Variants in LCA5 observed in about 807,000 individuals in gnomAD.
LCA5 encodes the protein lebercilin LCA5.
Under a neutral mutation model 53.0 loss-of-function variants are expected in LCA5, and 37 were observed. That is an observed-to-expected ratio of 0.70 (90% CI 0.54 to 0.92). The LOEUF (loss-of-function observed/expected upper bound fraction) is 0.92. LCA5 is among the 40% of genes least tolerant of loss of function. The probability of loss-of-function intolerance (pLI) is 0.00; values close to 1 mark genes in which losing one functional copy is unlikely to be tolerated. For missense variants in LCA5, 806 were observed against 790.5 expected, an observed-to-expected ratio of 1.02 and a Z score of -0.23; for synonymous variants, 303 against 282.9, an observed-to-expected ratio of 1.07 and a Z score of -0.71.
chr6:79,501,708 T>C (rs1466035090), intron 3 of LCA5, among the ~76,000 whole-genome samples: 2 of 150,626 alleles, frequency 1.3e-5, no homozygotes, highest in Non-Finnish European at 3.0e-5. Context: ...TATATATTAA[T>C]ATATGGCATA....
intron 1 of LCA5, among the ~76,000 whole-genome samples, chr6:79,529,905 A>G (rs1766905849): frequency 7.1e-6 from 1 of 140,538 alleles, no homozygotes; most frequent in Admixed American, 7.7e-5. Flanking sequence ...GAACTGAACA[A>G]TGAGAACACT....
At chr6:79,494,937 C>G (rs1484530119) in intron 3 of LCA5, among the ~76,000 whole-genome samples, 1 of 152,234 alleles carries the variant, frequency 6.6e-6, no homozygotes, top group Non-Finnish European at 1.5e-5. Context: ...AAAAGATAAA[C>G]CACAGACTAG....
chr6:79,512,870 C>T (rs1766275149), intron 3 of LCA5, among the ~76,000 whole-genome samples: 1 of 152,008 alleles, frequency 6.6e-6, no homozygotes, highest in Non-Finnish European at 1.5e-5. Flanking sequence ...AAACAGAAGT[C>T]ATTGTTCATG....
chr6:79,523,362 A>C (rs2127685534), intron 1 of LCA5, among the ~76,000 whole-genome samples: 1 of 152,352 alleles, frequency 6.6e-6, no homozygotes, highest in Admixed American at 6.5e-5. Context: ...GATAACAGCA[A>C]GTAAGTGGCT....
intron 3 of LCA5, among the ~76,000 whole-genome samples, chr6:79,505,199 G>A (rs1200157066): frequency 6.6e-6 from 1 of 151,982 alleles, no homozygotes; most frequent in African/African-American, 2.4e-5. Context: ...TAGTTTCTAA[G>A]GACACTGCAA....
At chr6:79,512,077 G>A (rs1403548892) in intron 3 of LCA5, among the ~76,000 whole-genome samples, 5 of 152,040 alleles carry the variant, frequency 3.3e-5, no homozygotes, top group East Asian at 1.9e-4. Flanking sequence ...CATTCTGTGC[G>A]CTTCGTAATT....
intron 3 of LCA5, among the ~76,000 whole-genome samples, chr6:79,502,406 A>C (rs1248584645): frequency 6.6e-6 from 1 of 152,182 alleles, no homozygotes; most frequent in East Asian, 1.9e-4. Context: ...TCTTGTTCTA[A>C]TGAAACCTGT....
rs753497619 is a variant in LCA5, at chr6:79,518,750, T to C, written c.145A>G (p.Lys49Glu). The C allele has an allele frequency of 6.2e-7, 1 of 1,614,174 alleles. No homozygotes were observed. Among genetic ancestry groups the C allele is most frequent in the Non-Finnish European group, 8.5e-7 (1 of 1,180,016 alleles). ...TCTGAAGTTTGTCTTTTAGGATTTT[T>C]TCTCCTAACACTTGCAGGTGAAGAA... ...VSSSPASVRR[K>E]NPKRQTSDGQ... The change falls in exon 2 of 8, where the codon AAA becomes GAA. Residue 49 changes from lysine (K) to glutamate (E), a missense_variant. Physicochemically the swap from Lys to Glu is moderately conservative, Grantham distance 56. Transcript: ENST00000369846.
At chr6:79,498,989 A>T (rs960547940) in intron 3 of LCA5, among the ~76,000 whole-genome samples, 38 of 152,272 alleles carry the variant, frequency 2.5e-4, no homozygotes, top group Non-Finnish European at 4.3e-4. Flanking sequence ...TCTCAAACAA[A>T]TATTAGCAAA....
Position 79,513,354 on chromosome 6 carries a change from T to C in LCA5, c.578A>G (p.Glu193Gly), listed in dbSNP as rs1243815319. The C allele has an allele frequency of 1.2e-6, 2 of 1,613,954 alleles. No individual in the cohort carries two copies. The highest frequency in any genetic ancestry group is 1.7e-6 in the Non-Finnish European group (2 of 1,179,888). The stretch of plus-strand genomic sequence containing the variant: ...AAATTTTGTCCTAAATAGTTCACTT[T>C]CTGTATCTTTTACCCTTTTCTCAGT... ...RATEKRVKDTESELFRTKFSL... is the reference protein window; with the variant it reads ...RATEKRVKDTGSELFRTKFSL... The change falls in exon 3 of 8, where the codon GAA (glutamate) becomes GGA (glycine). Residue 193 changes from glutamate to glycine, a missense_variant. Glu to Gly is a moderately conservative substitution (Grantham distance 98). Transcript: ENST00000369846.
rs553943623 is a variant in LCA5 at position 79,487,022 on chromosome 6, T to C, written c.2076A>G (p.Glu692=). 68 of 1,613,394 alleles carry C rather than the reference T, an allele frequency of 4.2e-5. 2 individuals carry two copies. In the South Asian group the frequency reaches 6.6e-4, roughly 16 times the overall value. Residue 692 remains glutamate, a synonymous_variant, in exon 8 of 8, where the codon GAA becomes GAG. Coordinates refer to ENST00000369846, the MANE Select transcript of LCA5 (RefSeq NM_001122769.3). ...TAGTCAGTCATCTCAGTGCTACTTCTTCAATTTCATCTTCTACAGAATCAG... is the reference window on the plus strand; with the variant it reads ...TAGTCAGTCATCTCAGTGCTACTTCCTCAATTTCATCTTCTACAGAATCAG... ...KAADSVEDEI[E]EVALR
intron 2 of LCA5, among the ~76,000 whole-genome samples, chr6:79,514,001 TA>T (rs1269938785): frequency 3.3e-5 from 5 of 152,088 alleles, no homozygotes; most frequent in Admixed American, 2.6e-4. Context: ...AAGACAGCAG[TA>T]TCAGGCTTTA....
chr6:79,489,313 G>A, intron 6 of LCA5, 97 bp from the exon 7 acceptor site: 1 of 1,234,082 alleles, frequency 8.1e-7, no homozygotes, highest in South Asian at 1.3e-5. Context: ...TACCAACTAA[G>A]TTAAAAATTA....
chr6:79,518,600 T>C, intron 2 of LCA5, 105 bp downstream of exon 2: 3 of 1,047,140 alleles, frequency 2.9e-6, no homozygotes, highest in Non-Finnish European at 4.5e-6. Flanking sequence ...CTTCCATGTA[T>C]ACAACAACAT....
intron 6 of LCA5, among the ~76,000 whole-genome samples, chr6:79,490,524 AT>A (rs926774832): frequency 2.6e-5 from 4 of 152,100 alleles, no homozygotes; most frequent in African/African-American, 9.7e-5. Flanking sequence ...AAAAAGACCT[AT>A]ATTTTAGTCC....
At chr6:79,491,831 T>C (rs1769852681) in intron 5 of LCA5, 101 bp from the exon 6 acceptor site, 16 of 982,542 alleles carry the variant, frequency 1.6e-5, no homozygotes, top group Admixed American at 1.8e-5. Flanking sequence ...TGTGTTTGCA[T>C]ATACATGTAC....
At chr6:79,520,442 C>T (rs1439425631) in intron 1 of LCA5, among the ~76,000 whole-genome samples, 3 of 152,010 alleles carry the variant, frequency 2.0e-5, no homozygotes, top group African/African-American at 7.2e-5. Context: ...AATACAAGAA[C>T]ACCAAAATAG....
intron 2 of LCA5, among the ~76,000 whole-genome samples, chr6:79,514,863 G>A (rs1766382055): frequency 6.6e-6 from 1 of 151,916 alleles, no homozygotes; most frequent in Non-Finnish European, 1.5e-5. Flanking sequence ...CCTATTGGAG[G>A]GTGCAGGGCA....
At chr6:79,523,293 T>C (rs1031559817) in intron 1 of LCA5, among the ~76,000 whole-genome samples, 2 of 152,140 alleles carry the variant, frequency 1.3e-5, no homozygotes, top group Non-Finnish European at 2.9e-5. Flanking sequence ...TCTTTCACTC[T>C]GCAATCAAGT....
Sources: gnomAD v4.1 joint callset for allele counts (sites outside exome capture counted in the v4.1 genomes callset) on GRCh38, gnomAD v4.1.1 for gene constraint, MANE v1.5 for transcripts, NCBI Gene and HGNC (gene_info 2026-07-23, HGNC 2026-07-21) for gene names.